KTN1: variants seen among roughly 807,000 people sequenced by gnomAD.
KTN1 encodes the protein kinectin 1, also known as kinectin.
In KTN1, 130 loss-of-function variants were observed where a neutral mutation model predicts 222.5. The ratio of observed to expected loss-of-function variants is 0.58; its 90% CI spans 0.51 to 0.68. The LOEUF (loss-of-function observed/expected upper bound fraction) is 0.68, where lower values mean the gene tolerates loss of function less well. Ranked by LOEUF, KTN1 falls within the 30% of genes least tolerant of loss-of-function variation. KTN1 has a pLI of 0.00. For synonymous variants in KTN1, 512 were observed against 496.3 expected (o/e 1.03, Z -0.42); for missense variants, 1,508 against 1,500.4 (o/e 1.01, Z -0.08).
rs1349893836 is a variant in KTN1, at chr14:55,612,208, A to G, written c.160A>G (p.Lys54Glu). ...AAAGCTTATTCCTACCAAAACAGAT[A>G]AAAAGAAAGCAGAAAAGAAAAAGAA... is the stretch of plus-strand genomic sequence containing the variant. ...EQKLIPTKTD[K>E]KKAEKKKNKK... The change falls in exon 2 of 44, where the codon AAA becomes GAA. Residue 54 changes from lysine (K) to glutamate (E), a missense_variant. Lys to Glu is a moderately conservative substitution (Grantham distance 56). Transcript: ENST00000395314. 1 of 1,587,280 alleles carries G rather than the reference A, an allele frequency of 6.3e-7. No homozygotes were observed. Among genetic ancestry groups the G allele is most frequent in the East Asian group, 2.2e-5 (1 of 44,690 alleles).
intron 22 of KTN1, among the ~76,000 whole-genome samples, 162 bp downstream of exon 22, chr14:55,649,975 T>G (rs1473867933): frequency 6.7e-6 from 1 of 150,086 alleles, no homozygotes; most frequent in Non-Finnish European, 1.5e-5. Context: ...TAGCTGTGCT[T>G]TCCCAAATTC....
At chr14:55,589,931 A>G (rs1374608432) in intron 1 of KTN1, among the ~76,000 whole-genome samples, 1 of 152,128 alleles carries the variant, frequency 6.6e-6, no homozygotes, top group East Asian at 1.9e-4. Context: ...TGCTGGGATT[A>G]CAGGTGTGAG....
At chr14:55,676,540 T>C (rs1265623618) in intron 41 of KTN1, among the ~76,000 whole-genome samples, 2 of 152,146 alleles carry the variant, frequency 1.3e-5, no homozygotes, top group South Asian at 2.1e-4. Context: ...CTTTTTGGAA[T>C]TGCAAGAACA....
At chr14:55,612,768 C>G (rs551291787) in intron 2 of KTN1, among the ~76,000 whole-genome samples, 197 bp downstream of exon 2, 148 of 152,134 alleles carry the variant, frequency 9.7e-4, no homozygotes, top group African/African-American at 3.4e-3. Flanking sequence ...CTTTAAACTT[C>G]AGGGCCTGAT....
chr14:55,678,797 T>C (rs911026163), intron 42 of KTN1: 4 of 238,984 alleles, frequency 1.7e-5, no homozygotes, highest in Non-Finnish European at 3.3e-5. Flanking sequence ...TAGATTCTCA[T>C]AGGAGTGCAA....
At chr14:55,670,623 G>A (rs2045355204) in intron 34 of KTN1, 106 bp from the exon 35 acceptor site, 2 of 707,930 alleles carry the variant, frequency 2.8e-6, no homozygotes, top group South Asian at 2.1e-5. Context: ...GTCTGTGTAG[G>A]TTTCTTTTAT....
rs1236402496 is a variant in KTN1, at chr14:55,646,470, C to CT, written c.2173-500dup. ...TCCTTTTCCTTTTCCTTTTCCTTTC[C>CT]TTTCCTTTCCTTTCCTTTCCTTTCC... On this transcript the variant is annotated intron_variant, in intron 18 of 43. Transcript: ENST00000395314. 9.9e-3 allele frequency among the ~76,000 whole-genome samples: 338 copies of CT among 34,134 alleles called. 6 individuals are homozygous for CT. The highest frequency in any genetic ancestry group is 0.025 in the African/African-American group (189 of 7,608). 22.4% of individuals were successfully genotyped at this position (34,134 alleles called of 152,430 possible). A position where few individuals can be genotyped will look rare whatever the true frequency, so the allele number is the denominator to read the frequency against.
chr14:55,588,976 GA>G (rs991104710), intron 1 of KTN1, among the ~76,000 whole-genome samples: 12 of 149,250 alleles, frequency 8.0e-5, no homozygotes, highest in African/African-American at 3.0e-4. Context: ...TATAGTTACC[GA>G]AAAAAAAATC....
chr14:55,631,986 ATTC>A (rs1426187652), intron 7 of KTN1, among the ~76,000 whole-genome samples: 1 of 152,144 alleles, frequency 6.6e-6, no homozygotes, highest in Non-Finnish European at 1.5e-5. Flanking sequence ...ATTTTAAAAT[ATTC>A]TTTGCTGCTT....
Position 55,650,667 on chromosome 14 carries a change from A to T in KTN1, c.2565+30A>T, listed in dbSNP as rs182492159. On this transcript the variant is annotated intron_variant, in intron 24 of 43. Coordinates refer to ENST00000395314, the MANE Select transcript of KTN1 (RefSeq NM_001079521.2). Reference sequence around the variant, plus strand: ...AAATCCCAGAGCCATAGCATGACAGATTTATTAGTTGTGTTATTTATGAGC... The same window carrying T: ...AAATCCCAGAGCCATAGCATGACAGTTTTATTAGTTGTGTTATTTATGAGC... 1.2e-4 allele frequency: 185 copies of T among 1,505,180 alleles called. No homozygotes were observed. The African/African-American group carries it at 2.3e-3, about 19-fold the overall frequency. The allele number at this position is 1,505,180 out of a possible 1,614,324, so 93.2% of individuals were successfully genotyped here.
rs751889359 is a variant in KTN1, at chr14:55,659,699, A to G, written c.2995A>G (p.Lys999Glu). The change falls in exon 31 of 44, where the codon AAA becomes GAA. Residue 999 changes from lysine to glutamate, a missense_variant. Transcript: ENST00000395314. The part of the protein sequence containing the change: ...SSFPPHEELL[K>E]VISEREKEIS... ...TTTTCCCCCTCATGAAGAATTATTA[A>G]AAGTGTAAGTAATAAGTTTGAGTCA... is the stretch of plus-strand genomic sequence containing the variant. The G allele has an allele frequency of 3.4e-6, 5 of 1,474,138 alleles. No homozygotes were observed. Among genetic ancestry groups the G allele is most frequent in the Non-Finnish European group, 4.7e-6 (5 of 1,054,326 alleles). 91.3% of individuals were successfully genotyped at this position (1,474,138 alleles called of 1,614,324 possible).
At chr14:55,646,493 T>TC (rs1555377298) in intron 18 of KTN1, among the ~76,000 whole-genome samples, 1 of 108,128 alleles carries the variant, frequency 9.2e-6, no homozygotes, top group African/African-American at 3.7e-5. Context: ...TCCTTTCCTT[T>TC]CCTTTCCTTT....
At chr14:55,676,919 G>T (rs78907240) in intron 41 of KTN1, among the ~76,000 whole-genome samples, 5,597 of 152,250 alleles carry the variant, frequency 0.037, 142 homozygotes, top group Non-Finnish European at 0.052. Flanking sequence ...TGTTGTGGTT[G>T]AGCAGTCAGT....
At chr14:55,677,585 T>C (rs1043248757) in intron 41 of KTN1, among the ~76,000 whole-genome samples, 4 of 152,084 alleles carry the variant, frequency 2.6e-5, no homozygotes, top group African/African-American at 4.8e-5. Flanking sequence ...GCACATAATA[T>C]GTAGAGAGGG....
At chr14:55,638,350 GACAT>G (rs2041381488) in intron 12 of KTN1, among the ~76,000 whole-genome samples, 1 of 151,812 alleles carries the variant, frequency 6.6e-6, no homozygotes, top group African/African-American at 2.4e-5. Flanking sequence ...TCTTTGATGT[GACAT>G]ACATGTCTTT....
intron 1 of KTN1, among the ~76,000 whole-genome samples, chr14:55,611,211 C>T (rs759294157): frequency 6.6e-6 from 1 of 151,386 alleles, no homozygotes; most frequent in Non-Finnish European, 1.5e-5. Flanking sequence ...CCTCAGCCTG[C>T]AAGTAGCTGG....
intron 4 of KTN1, among the ~76,000 whole-genome samples, chr14:55,618,729 A>C (rs2038738918): frequency 6.6e-6 from 1 of 152,192 alleles, no homozygotes; most frequent in African/African-American, 2.4e-5. Context: ...TCTTCATAGA[A>C]TCAGATTTCC....
chr14:55,671,762 A>G (rs781372775), intron 36 of KTN1, 23 bp from the exon 37 acceptor site: 1 of 1,582,434 alleles, frequency 6.3e-7, no homozygotes, highest in South Asian at 1.1e-5. Context: ...AATTTTTCAA[A>G]ACAACTATGC....
At chr14:55,615,375 C>T (rs1416940022) in intron 2 of KTN1, among the ~76,000 whole-genome samples, 1 of 151,736 alleles carries the variant, frequency 6.6e-6, no homozygotes, top group African/African-American at 2.4e-5. Flanking sequence ...CCCTTTTCCC[C>T]CGTCCCTCCC....
Sources: allele counts gnomAD v4.1 joint callset (sites outside exome capture counted in the v4.1 genomes callset), GRCh38; gene constraint gnomAD v4.1.1; transcripts MANE v1.5; gene names NCBI Gene and HGNC (gene_info 2026-07-23, HGNC 2026-07-21).